DGKB: variants seen among roughly 807,000 people sequenced by gnomAD.
DGKB encodes the protein diacylglycerol kinase beta.
Under a neutral mutation model 114.3 loss-of-function variants are expected in DGKB, and 67 were observed. That is an observed-to-expected ratio of 0.59 (90% CI 0.48 to 0.72). DGKB has a LOEUF of 0.72. Ranked by LOEUF, DGKB falls within the 30% of genes least tolerant of loss-of-function variation. DGKB has a pLI of 0.00. For missense variants in DGKB, 907 were observed against 975.2 expected (o/e 0.93, Z 0.93); for synonymous variants, 398 against 323.1 (o/e 1.23, Z -2.49).
Position 14,299,564 on chromosome 7 carries a change from T to A in DGKB, c.2122+38951A>T, listed in dbSNP as rs146210553. 4.6e-5 allele frequency among the ~76,000 whole-genome samples: 7 copies of A among 152,296 alleles called. No individual in the cohort carries two copies. The East Asian group carries it at 1.4e-3, about 29-fold the overall frequency. On this transcript the variant is annotated intron_variant, in intron 23 of 25. Coordinates refer to ENST00000402815, the MANE Select transcript of DGKB (RefSeq NM_001350709.2). ...CATGCAGACCAACAAGAACAATAGT[T>A]AACAGTTGAAAACCTGTTTCTGTGT...
At chr7:14,571,673 C>T (rs1194466843) in intron 20 of DGKB, among the ~76,000 whole-genome samples, 2 of 152,038 alleles carry the variant, frequency 1.3e-5, no homozygotes, top group East Asian at 1.9e-4. Flanking sequence ...TGTACATGAG[C>T]GGAAGAGACG....
chr7:14,466,035 G>A (rs1780421669), intron 21 of DGKB, among the ~76,000 whole-genome samples: 1 of 151,764 alleles, frequency 6.6e-6, no homozygotes, highest in Non-Finnish European at 1.5e-5. Context: ...ACAGGGAGGG[G>A]GAATTATCAT....
At chr7:14,846,330 C>T (rs1231731177) in intron 1 of DGKB, among the ~76,000 whole-genome samples, 1 of 152,126 alleles carries the variant, frequency 6.6e-6, no homozygotes, top group Non-Finnish European at 1.5e-5. Flanking sequence ...ACCCTCATCA[C>T]GTGATATGAC....
intron 23 of DGKB, among the ~76,000 whole-genome samples, chr7:14,204,980 T>C (rs193033804): frequency 4.3e-4 from 65 of 152,210 alleles, no homozygotes; most frequent in Non-Finnish European, 6.3e-4. Flanking sequence ...AAATATCCTA[T>C]GTTTTTATCC....
intron 15 of DGKB, among the ~76,000 whole-genome samples, chr7:14,614,948 A>C (rs1178975176): frequency 6.6e-6 from 1 of 152,040 alleles, no homozygotes; most frequent in Admixed American, 6.6e-5. Context: ...TAAAGTGTCT[A>C]TTATCTTTAA....
intron 1 of DGKB, among the ~76,000 whole-genome samples, chr7:14,893,260 G>T (rs1366403750): frequency 6.6e-6 from 1 of 151,194 alleles, no homozygotes; most frequent in Admixed American, 6.6e-5. Flanking sequence ...ATCTTCCAGT[G>T]TTCAAATCCA....
intron 12 of DGKB, among the ~76,000 whole-genome samples, chr7:14,675,759 T>C (rs772388166): frequency 4.6e-5 from 7 of 151,952 alleles, no homozygotes; most frequent in Non-Finnish European, 8.8e-5. Flanking sequence ...TGCAAGAAAA[T>C]TCTCCTAACC....
At chr7:14,317,577 A>G (rs1806830936) in intron 23 of DGKB, among the ~76,000 whole-genome samples, 2 of 150,128 alleles carry the variant, frequency 1.3e-5, no homozygotes, top group African/African-American at 4.9e-5. Context: ...CCAACTTACA[A>G]GGGATGTGAA....
chr7:14,457,058 C>G (rs1832388327), intron 21 of DGKB, among the ~76,000 whole-genome samples: 2 of 152,088 alleles, frequency 1.3e-5, no homozygotes, highest in Non-Finnish European at 2.9e-5. Context: ...AACTGCTTTT[C>G]AAGAGATAAG....
intron 20 of DGKB, among the ~76,000 whole-genome samples, chr7:14,500,687 G>C (rs1029013079): frequency 6.6e-6 from 1 of 151,742 alleles, no homozygotes; most frequent in Admixed American, 6.6e-5. Context: ...CATGGTGCCT[G>C]GTAGTTGGGT....
intron 23 of DGKB, among the ~76,000 whole-genome samples, chr7:14,231,127 C>CTT (rs1554297195): frequency 0.041 from 5,189 of 125,172 alleles, 131 homozygotes; most frequent in Middle Eastern, 0.074. Flanking sequence ...TTCTTTCTTT[C>CTT]TTTCTTTCTT....
At chr7:14,278,788 CACAA>C (rs1372799219) in intron 23 of DGKB, among the ~76,000 whole-genome samples, 4 of 152,028 alleles carry the variant, frequency 2.6e-5, no homozygotes, top group Non-Finnish European at 4.4e-5. Flanking sequence ...ATATAAGGAA[CACAA>C]ACAACTCAAT....
chr7:14,390,287 C>T (rs1237877301), intron 21 of DGKB, among the ~76,000 whole-genome samples: 1 of 152,130 alleles, frequency 6.6e-6, no homozygotes, highest in East Asian at 1.9e-4. Flanking sequence ...AACATGCTTC[C>T]ACCTCTCCTT....
At chr7:14,801,925 TACACACACACAC>T (rs142456381) in intron 2 of DGKB, among the ~76,000 whole-genome samples, 1 of 147,958 alleles carries the variant, frequency 6.8e-6, no homozygotes, top group South Asian at 2.1e-4. Context: ...TATATACATA[TACACACACACAC>T]ACACACACAC....
chr7:14,175,382 C>T lies in DGKB; in HGVS notation c.2304+1457G>A, dbSNP rs371234226. Among the ~76,000 whole-genome samples the T allele has an allele frequency of 3.3e-5, 5 of 152,334 alleles. No individual in the cohort carries two copies. In the East Asian group the frequency reaches 5.8e-4, roughly 18 times the overall value. On this transcript the variant is annotated intron_variant, in intron 25 of 25. Transcript: ENST00000402815. Reference sequence around the variant, plus strand: ...CAAATTTTAACTACTCAGTAAATCACACTATCATTCTTAGGTAAGAGTTGA... The same window carrying T: ...CAAATTTTAACTACTCAGTAAATCATACTATCATTCTTAGGTAAGAGTTGA...
intron 23 of DGKB, among the ~76,000 whole-genome samples, chr7:14,236,892 T>C (rs1431703439): frequency 1.3e-5 from 2 of 151,904 alleles, no homozygotes; most frequent in Admixed American, 6.6e-5. Context: ...CTTTTTTTTT[T>C]CTCGTGGTGA....
intron 13 of DGKB, among the ~76,000 whole-genome samples, chr7:14,670,795 T>G (rs184231898): frequency 2.0e-5 from 3 of 152,254 alleles, no homozygotes; most frequent in Non-Finnish European, 4.4e-5. Flanking sequence ...ATTTATTTAG[T>G]TTTATTGTTT....
chr7:14,373,445 T>G (rs964316635), intron 21 of DGKB, among the ~76,000 whole-genome samples: 2 of 152,154 alleles, frequency 1.3e-5, no homozygotes, highest in Non-Finnish European at 2.9e-5. Flanking sequence ...AAATAAAATT[T>G]TAAAATTTGT....
chr7:14,857,316 C>T lies in DGKB; in HGVS notation c.-187-15866G>A, dbSNP rs559588596. Among the ~76,000 whole-genome samples, 5 of 130,874 alleles carry T rather than the reference C, an allele frequency of 3.8e-5. No homozygotes were observed. In the South Asian group the frequency reaches 1.4e-3, roughly 36 times the overall value. 85.9% of individuals were successfully genotyped at this position (130,874 alleles called of 152,430 possible). A position where few individuals can be genotyped will look rare whatever the true frequency, so the allele number is the denominator to read the frequency against. ...AAGGAGCAAGCTTCTATGAATTCCA[C>T]AGGTTCAAGGGAATACATTCTGTCA... On this transcript the variant is annotated intron_variant, in intron 1 of 25. Coordinates refer to ENST00000402815, the MANE Select transcript of DGKB (RefSeq NM_001350709.2).
Sources: allele counts gnomAD v4.1 joint callset (sites outside exome capture counted in the v4.1 genomes callset), GRCh38; gene constraint gnomAD v4.1.1; transcripts MANE v1.5; gene names NCBI Gene and HGNC (gene_info 2026-07-23, HGNC 2026-07-21).